The following RUSC2 variants were observed in gnomAD, a reference collection of about 807,000 sequenced individuals.
RUSC2 encodes AP-4 complex accessory subunit RUSC2.
In RUSC2, 34 loss-of-function variants were observed where a neutral mutation model predicts 122.2. The observed-to-expected ratio is 0.28, with a 90% CI of 0.21 to 0.37. The LOEUF is 0.37. Ranked by LOEUF, RUSC2 falls within the 10% of genes least tolerant of loss-of-function variation. The pLI is 1.00. For missense variants in RUSC2, 1,747 were observed against 1,952.4 expected (o/e 0.89, Z 1.98); for synonymous variants, 784 against 790.0 (o/e 0.99, Z 0.13).
At chr9:35,540,664 T>C (rs993691088) in intron 1 of RUSC2, among the ~76,000 whole-genome samples, 1 of 152,108 alleles carries the variant, frequency 6.6e-6, no homozygotes, top group African/African-American at 2.4e-5. Flanking sequence ...AAAGGGACTG[T>C]AGGTTCATAG....
At chr9:35,496,034 C>T (rs1435190508) in intron 1 of RUSC2, among the ~76,000 whole-genome samples, 1 of 152,088 alleles carries the variant, frequency 6.6e-6, no homozygotes, top group Non-Finnish European at 1.5e-5. Flanking sequence ...GAAAATTACA[C>T]CAAAGCAAAA....
intron 1 of RUSC2, among the ~76,000 whole-genome samples, chr9:35,536,242 A>G (rs1821524970): frequency 6.6e-6 from 1 of 152,242 alleles, no homozygotes; most frequent in Non-Finnish European, 1.5e-5. Context: ...TGGCAATCCA[A>G]TATTGATCCC....
At chr9:35,536,673 G>C (rs1821533743) in intron 1 of RUSC2, among the ~76,000 whole-genome samples, 1 of 152,056 alleles carries the variant, frequency 6.6e-6, no homozygotes, top group Non-Finnish European at 1.5e-5. Flanking sequence ...CTTAGCCGGG[G>C]CATGGTGGCA....
intron 1 of RUSC2, among the ~76,000 whole-genome samples, chr9:35,508,935 C>G (rs1820965989): frequency 6.6e-6 from 1 of 152,080 alleles, no homozygotes; most frequent in Non-Finnish European, 1.5e-5. Flanking sequence ...CCCAGCATAA[C>G]AAATAGCACC....
chr9:35,503,961 G>C (rs139183994), intron 1 of RUSC2, among the ~76,000 whole-genome samples: 7 of 152,176 alleles, frequency 4.6e-5, no homozygotes, highest in Non-Finnish European at 8.8e-5. Context: ...TTTTAGTAGA[G>C]ACAGGGTTTT....
At chr9:35,535,987 A>C (rs1413848848) in intron 1 of RUSC2, among the ~76,000 whole-genome samples, 1 of 152,262 alleles carries the variant, frequency 6.6e-6, no homozygotes, top group Non-Finnish European at 1.5e-5. Context: ...GGAGATGTAC[A>C]GATGACTATA....
Position 35,560,030 on chromosome 9 carries a change from C to A in RUSC2, c.3390C>A (p.Asp1130Glu). 6.3e-7 allele frequency: 1 copy of A among 1,588,310 alleles called. No individual in the cohort carries two copies. The highest frequency in any genetic ancestry group is 8.6e-7 in the Non-Finnish European group (1 of 1,161,860). ...CAGTCCCTCTCTCTTTTCCCCTAGACATCATCCAGACCCACTACCAGCCCT... is the reference window on the plus strand; with the variant it reads ...CAGTCCCTCTCTCTTTTCCCCTAGAAATCATCCAGACCCACTACCAGCCCT... Reference protein sequence around the residue: ...FWFNHLYNHEDIIQTHYQPWG... With the variant: ...FWFNHLYNHEEIIQTHYQPWG... Residue 1130 changes from aspartate to glutamate, a missense_variant and splice_region_variant, in exon 10 of 12, where the codon GAC (aspartate) becomes GAA (glutamate). Coordinates refer to ENST00000361226, the MANE Select transcript of RUSC2 (RefSeq NM_014806.5).
At chr9:35,506,913 C>G (rs564505777) in intron 1 of RUSC2, among the ~76,000 whole-genome samples, 1 of 152,006 alleles carries the variant, frequency 6.6e-6, no homozygotes, top group Non-Finnish European at 1.5e-5. Flanking sequence ...CTTAGGGTTT[C>G]GAGACTAGCC....
At chr9:35,525,669 C>T (rs746899916) in intron 1 of RUSC2, among the ~76,000 whole-genome samples, 10 of 152,114 alleles carry the variant, frequency 6.6e-5, no homozygotes, top group Non-Finnish European at 1.5e-4. Context: ...CGTGGAGGCA[C>T]ACTCCTGCAG....
intron 1 of RUSC2, among the ~76,000 whole-genome samples, chr9:35,502,311 C>G (rs1032494840): frequency 6.6e-6 from 1 of 152,162 alleles, no homozygotes; most frequent in Non-Finnish European, 1.5e-5. Flanking sequence ...AGAAAAAGCC[C>G]TGGTGCACCA....
rs1386318972 is a variant in RUSC2 at position 35,555,401 on chromosome 9, G to A, written c.2356G>A (p.Val786Ile). 4 of 1,614,220 alleles carry A rather than the reference G, an allele frequency of 2.5e-6. No homozygotes were observed. Among genetic ancestry groups the A allele is most frequent in the South Asian group, 1.1e-5 (1 of 91,090 alleles). ...GGGCAGCTACTCCCCCATCCGGAGT[G>A]TTGGCCCCTTTGGGCCCAGCACTGA... The part of the protein sequence containing the change: ...PLGSYSPIRS[V>I]GPFGPSTDSS... Residue 786 changes from valine to isoleucine, a missense_variant, in exon 3 of 12, where the codon GTT becomes ATT. Val to Ile is a conservative substitution (Grantham distance 29, BLOSUM62 3). Transcript: ENST00000361226. The surrounding 1 kb of genome is among the most constrained non-coding windows in gnomAD (Gnocchi z 4.6).
At chr9:35,502,979 G>C (rs193282526) in intron 1 of RUSC2, among the ~76,000 whole-genome samples, 9 of 152,174 alleles carry the variant, frequency 5.9e-5, no homozygotes, top group Admixed American at 4.6e-4. Context: ...TCCTGCCTTA[G>C]CCTCCTGAGT....
At chr9:35,521,185 G>T (rs1393063814) in intron 1 of RUSC2, among the ~76,000 whole-genome samples, 1 of 152,084 alleles carries the variant, frequency 6.6e-6, no homozygotes, top group Non-Finnish European at 1.5e-5. Context: ...ATTTGGCTTA[G>T]GTTATAATTA....
At chr9:35,536,211 C>T (rs1437196094) in intron 1 of RUSC2, among the ~76,000 whole-genome samples, 4 of 152,112 alleles carry the variant, frequency 2.6e-5, no homozygotes, top group African/African-American at 7.2e-5. Flanking sequence ...TGTAATGATC[C>T]TACTTGACAA....
intron 1 of RUSC2, among the ~76,000 whole-genome samples, chr9:35,510,355 A>C (rs1587840533): frequency 6.6e-6 from 1 of 152,280 alleles, no homozygotes; most frequent in East Asian, 1.9e-4. Flanking sequence ...CTACAATAAA[A>C]ATTTTTAAAG....
intron 1 of RUSC2, among the ~76,000 whole-genome samples, chr9:35,519,936 G>A (rs976353896): frequency 6.6e-6 from 1 of 152,052 alleles, no homozygotes; most frequent in African/African-American, 2.4e-5. Context: ...ACCCAGACTT[G>A]TCTTAACACC....
rs1685937154 is a variant in RUSC2, at chr9:35,556,150, G to A, written c.2842+13G>A. On this transcript the variant is annotated intron_variant, in intron 4 of 11. Transcript: ENST00000361226. The stretch of plus-strand genomic sequence containing the variant: ...TGCCGGCTGAATGGTGTGTGAGCAG[G>A]GTCCCCAGTACACCCGGGGCAGGCT... The A allele has an allele frequency of 6.2e-7, 1 of 1,613,208 alleles. No individual in the cohort carries two copies. The highest frequency in any genetic ancestry group is 8.5e-7 in the Non-Finnish European group (1 of 1,179,486).
chr9:35,560,213 G>T lies in RUSC2; in HGVS notation c.3573G>T (p.Leu1191=), dbSNP rs1389802252. ...AGCAGCAGCGGCAGCACAAGGAACTGCTGCGGGTGTCCCAGGACCTGCTGC... is the reference window on the plus strand; with the variant it reads ...AGCAGCAGCGGCAGCACAAGGAACTTCTGCGGGTGTCCCAGGACCTGCTGC... The part of the protein sequence containing the change: ...SGQQQRQHKE[L]LRVSQDLLLS... Residue 1191 remains leucine, a synonymous_variant, in exon 10 of 12, where the codon CTG becomes CTT. Coordinates refer to ENST00000361226, the MANE Select transcript of RUSC2 (RefSeq NM_014806.5). 1.2e-6 allele frequency: 2 copies of T among 1,604,622 alleles called. No individual in the cohort carries two copies. The highest frequency in any genetic ancestry group is 2.7e-5 in the African/African-American group (2 of 74,932).
chr9:35,533,898 AT>A (rs1488647876), intron 1 of RUSC2, among the ~76,000 whole-genome samples: 1 of 152,206 alleles, frequency 6.6e-6, no homozygotes, highest in African/African-American at 2.4e-5. Flanking sequence ...GTTTTTGACT[AT>A]CATGAATAAT....
Sources: gnomAD v4.1 joint callset for allele counts (sites outside exome capture counted in the v4.1 genomes callset) on GRCh38, gnomAD v4.1.1 for gene constraint, Gnocchi (gnomAD v3.1) non-coding constraint, MANE v1.5 for transcripts, NCBI Gene and HGNC (gene_info 2026-07-23, HGNC 2026-07-21) for gene names.